Variants in POGZ observed in about 807,000 individuals in gnomAD.
POGZ encodes the protein pogo transposable element derived with ZNF domain.
In POGZ, 17 loss-of-function variants were observed where a neutral mutation model predicts 134.6. That is an observed-to-expected ratio of 0.13 (90% CI 0.09 to 0.19). The LOEUF is 0.19. Ranked by LOEUF, POGZ falls within the 10% of genes least tolerant of loss-of-function variation. The probability of loss-of-function intolerance (pLI) is 1.00; values close to 1 mark genes in which losing one functional copy is unlikely to be tolerated. For synonymous variants in POGZ, 693 were observed against 657.1 expected (o/e 1.05, Z -0.84); for missense variants, 1,306 against 1,769.7 (o/e 0.74, Z 4.70).
intron 7 of POGZ, 67 bp downstream of exon 7, chr1:151,427,756 G>T: frequency 9.7e-7 from 1 of 1,026,394 alleles, no homozygotes; most frequent in Non-Finnish European, 1.5e-6. Flanking sequence ...ATAAAGCTCT[G>T]ATACAACAAA....
intron 10 of POGZ, among the ~76,000 whole-genome samples, chr1:151,419,504 A>G (rs1656466799): frequency 6.6e-6 from 1 of 151,462 alleles, no homozygotes; most frequent in East Asian, 1.9e-4. Flanking sequence ...CCCCCAAAAC[A>G]AAAAACCCCC....
intron 1 of POGZ, among the ~76,000 whole-genome samples, chr1:151,455,587 T>C (rs1162214165): frequency 6.6e-6 from 1 of 152,266 alleles, no homozygotes; most frequent in East Asian, 1.9e-4. Context: ...TAAAATGTAG[T>C]ATTTATCAAT....
chr1:151,413,732 C>T (rs1571368135), intron 10 of POGZ, among the ~76,000 whole-genome samples: 2 of 151,912 alleles, frequency 1.3e-5, no homozygotes, highest in South Asian at 2.1e-4. Context: ...CACGCTAGAG[C>T]GCAGTGGCTC....
At chr1:151,430,869 A>AT (rs757222920) in intron 3 of POGZ, 28 bp from the exon 4 acceptor site, 9 of 1,463,204 alleles carry the variant, frequency 6.2e-6, no homozygotes, top group Non-Finnish European at 9.1e-7. Flanking sequence ...AAAAAAAAAA[A>AT]GGAATGTTAG....
At chr1:151,411,817 A>G in intron 11 of POGZ, 46 bp from the exon 12 acceptor site, 1 of 1,510,090 alleles carries the variant, frequency 6.6e-7, no homozygotes, top group Non-Finnish European at 8.9e-7. Flanking sequence ...GAAGTGAACA[A>G]CTGAGAGGCC....
At chr1:151,439,083 T>C (rs935474212) in intron 3 of POGZ, 1 of 152,134 alleles carries the variant, frequency 6.6e-6, no homozygotes, top group Non-Finnish European at 1.5e-5. Flanking sequence ...ACTGCTAAAT[T>C]TGACTGGCTT....
Position 151,423,932 on chromosome 1 carries a change from G to A in POGZ, c.1523+17C>T, listed in dbSNP as rs1657359190. On this transcript the variant is annotated intron_variant, in intron 9 of 18. Transcript: ENST00000271715. ...TTCTCTTGTTCAAGGTAACTTCCAA[G>A]GCTCTTAAACACTTACCGAATATTG... 2 of 1,579,830 alleles carry A rather than the reference G, an allele frequency of 1.3e-6. No individual in the cohort carries two copies. The highest frequency in any genetic ancestry group is 4.5e-5 in the East Asian group (2 of 44,632).
chr1:151,456,686 C>T (rs1008594730), intron 1 of POGZ, among the ~76,000 whole-genome samples: 2 of 152,206 alleles, frequency 1.3e-5, no homozygotes, highest in Admixed American at 1.3e-4. Context: ...GGCACGGTGG[C>T]TCATGCCTGT....
chr1:151,452,244 T>C (rs1662206179), intron 1 of POGZ, among the ~76,000 whole-genome samples: 1 of 151,640 alleles, frequency 6.6e-6, no homozygotes, highest in Non-Finnish European at 1.5e-5. Context: ...GAAAGGATAA[T>C]CATATTATAT....
Position 151,419,692 on chromosome 1 carries a change from A to AAAC in POGZ, c.1678+3704_1678+3705insGTT, listed in dbSNP as rs1553221704. On this transcript the variant is annotated intron_variant, in intron 10 of 18. Coordinates refer to ENST00000271715, the MANE Select transcript of POGZ (RefSeq NM_015100.4). ...TCAAAAAAAAAAAAAAAAAAAAAAAAAAACTACTTTCATGCCAGATCTGTC... is the reference window on the plus strand; with the variant it reads ...TCAAAAAAAAAAAAAAAAAAAAAAAAAACAAACTACTTTCATGCCAGATCTGTC... Among the ~76,000 whole-genome samples the AAAC allele has an allele frequency of 3.3e-5, 5 of 149,528 alleles. 1 individual carries two copies. Among genetic ancestry groups the AAAC allele is most frequent in the Non-Finnish European group, 5.9e-5 (4 of 67,666 alleles).
At chr1:151,447,306 A>G (rs188161576) in intron 1 of POGZ, among the ~76,000 whole-genome samples, 1 of 151,992 alleles carries the variant, frequency 6.6e-6, no homozygotes, top group East Asian at 1.9e-4. Context: ...CAGGAGGCGG[A>G]GGTTGCAGTG....
In POGZ at chr1:151,408,544, A is replaced by ACAC; in HGVS notation, c.2098_2099insGTG (p.Thr699_Val700insGly). ...AGGTGTATCATTAGAGGATACAGGAACAGTTCGTGGCTGCCCTCGGGAAGC... is the reference window on the plus strand; with the variant it reads ...AGGTGTATCATTAGAGGATACAGGAACACCAGTTCGTGGCTGCCCTCGGGAAGC... On this transcript the variant is annotated inframe_insertion, in exon 14 of 19. Transcript: ENST00000271715. The ACAC allele has an allele frequency of 1.2e-6, 2 of 1,608,850 alleles. No homozygotes were observed. Among genetic ancestry groups the ACAC allele is most frequent in the Non-Finnish European group, 1.7e-6 (2 of 1,178,668 alleles).
chr1:151,433,311 G>T (rs990404135), intron 3 of POGZ, among the ~76,000 whole-genome samples: 1 of 152,016 alleles, frequency 6.6e-6, no homozygotes, highest in African/African-American at 2.4e-5. Flanking sequence ...TGGATTGTTA[G>T]AATTTTTCCA....
chr1:151,411,192 C>T (rs1192592572), intron 12 of POGZ, among the ~76,000 whole-genome samples: 1 of 152,184 alleles, frequency 6.6e-6, no homozygotes. Context: ...AACTTCCAAC[C>T]CCTCTGTCTC....
intron 10 of POGZ, 103 bp from the exon 11 acceptor site, chr1:151,412,499 C>T: frequency 1.5e-6 from 1 of 674,184 alleles, no homozygotes; most frequent in Non-Finnish European, 2.6e-6. Context: ...TGATTTTCAA[C>T]AATCAGTAAA....
intron 3 of POGZ, among the ~76,000 whole-genome samples, chr1:151,432,491 C>T (rs1043999549): frequency 6.6e-6 from 1 of 152,128 alleles, no homozygotes; most frequent in African/African-American, 2.4e-5. Context: ...ACAGAAAATT[C>T]CAGCAAGTTC....
In POGZ at chr1:151,405,357, A is replaced by T. The variant is rs778882146; in HGVS notation, c.3678T>A (p.Leu1226=). 1 of 1,614,126 alleles carries T rather than the reference A, an allele frequency of 6.2e-7. No individual in the cohort carries two copies. The highest frequency in any genetic ancestry group is 2.2e-5 in the East Asian group (1 of 44,886). ...AGTGAGTGCGATGACAGTCCATCAC[A>T]AGCATGCCTTTGCTGCGCTGGCAAG... The part of the protein sequence containing the change: ...HTACQRSKGM[L]VMDCHRTHLS... Residue 1226 remains leucine (L), a synonymous_variant, in exon 19 of 19, where the codon CTT becomes CTA. Coordinates refer to ENST00000271715, the MANE Select transcript of POGZ (RefSeq NM_015100.4). The surrounding 1 kb of genome is among the most constrained non-coding windows in gnomAD (Gnocchi z 4.9).
Position 151,403,046 on chromosome 1 carries a change from A to G in POGZ, c.*1756T>C, listed in dbSNP as rs938716182. On this transcript the variant is annotated 3_prime_UTR_variant, in exon 19 of 19. Coordinates refer to ENST00000271715, the MANE Select transcript of POGZ (RefSeq NM_015100.4). ...AAGGCAAAGGCTGACTTCAAAGTCC[A>G]TTGTCTGTCAATAAAATGGCATCAG... is the stretch of plus-strand genomic sequence containing the variant. The G allele has an allele frequency of 7.8e-5, 14 of 179,464 alleles. No homozygotes were observed. Among genetic ancestry groups the G allele is most frequent in the Non-Finnish European group, 1.2e-4 (11 of 92,528 alleles). 11.1% of individuals were successfully genotyped at this position (179,464 alleles called of 1,614,324 possible).
At chr1:151,424,364 C>T in intron 8 of POGZ, 78 bp from the exon 9 acceptor site, 1 of 899,118 alleles carries the variant, frequency 1.1e-6, no homozygotes, top group East Asian at 2.5e-5. Context: ...ACTACCATTC[C>T]TTGTTAACGG....
Sources: allele counts gnomAD v4.1 joint callset (sites outside exome capture counted in the v4.1 genomes callset), GRCh38; gene constraint gnomAD v4.1.1; non-coding constraint Gnocchi (gnomAD v3.1); transcripts MANE v1.5; gene names NCBI Gene and HGNC (gene_info 2026-07-23, HGNC 2026-07-21).